The following GADL1 variants were observed in gnomAD, a reference collection of about 807,000 sequenced individuals.
GADL1 encodes GAD like acidic amino acid decarboxylase 1, also known as acidic amino acid decarboxylase GADL1.
GADL1 carries 71 observed loss-of-function variants against 69.5 expected under a neutral mutation model. The observed-to-expected ratio is 1.02, with a 90% CI of 0.84 to 1.25. The LOEUF is 1.25. GADL1 is among the 50% of genes most tolerant of loss of function. The pLI, the probability that GADL1 is intolerant of heterozygous loss-of-function variation, is 0.00. For synonymous variants in GADL1, 254 were observed against 214.4 expected (o/e 1.18, Z -1.62); for missense variants, 737 against 631.8 (o/e 1.17, Z -1.79).
chr3:30,855,213 G>A (rs1698209490), intron 3 of GADL1, among the ~76,000 whole-genome samples: 1 of 152,082 alleles, frequency 6.6e-6, no homozygotes, highest in Non-Finnish European at 1.5e-5. Flanking sequence ...ACACATCGTA[G>A]AGCCCTTTCT....
intron 14 of GADL1, among the ~76,000 whole-genome samples, chr3:30,761,921 A>G (rs576342309): frequency 9.8e-5 from 15 of 152,296 alleles, no homozygotes; most frequent in African/African-American, 3.4e-4. Flanking sequence ...GCATGTGTAT[A>G]TGTATTATAT....
intron 14 of GADL1, among the ~76,000 whole-genome samples, chr3:30,772,254 C>T (rs1696434305): frequency 1.3e-5 from 2 of 152,114 alleles, no homozygotes; most frequent in South Asian, 4.1e-4. Context: ...CACAAATCTG[C>T]AGGTCAGCAA....
chr3:30,793,140 A>AG (rs1368042796), intron 12 of GADL1, among the ~76,000 whole-genome samples: 1 of 152,164 alleles, frequency 6.6e-6, no homozygotes, highest in Non-Finnish European at 1.5e-5. Flanking sequence ...CTATTTTTTG[A>AG]GGGATGATCT....
intron 11 of GADL1, among the ~76,000 whole-genome samples, chr3:30,829,148 C>T (rs1697744112): frequency 2.1e-5 from 3 of 146,102 alleles, no homozygotes; most frequent in South Asian, 2.1e-4. Context: ...ACGCAAATCC[C>T]GCATTTACCT....
chr3:30,867,984 G>T (rs977485219), intron 1 of GADL1, among the ~76,000 whole-genome samples: 18 of 152,002 alleles, frequency 1.2e-4, no homozygotes, highest in African/African-American at 4.8e-5. Flanking sequence ...TTGAACATAT[G>T]CACTAATAAA....
Position 30,726,448 on chromosome 3 carries a change from A to G in GADL1, c.*1794T>C, listed in dbSNP as rs1695367689. 6.6e-6 allele frequency: 1 copy of G among 152,088 alleles called. No homozygotes were observed. The highest frequency in any genetic ancestry group is 1.5e-5 in the Non-Finnish European group (1 of 67,982). 9.4% of individuals were successfully genotyped at this position (152,088 alleles called of 1,614,324 possible). ...TCAATTTTAGAAATATTTTATGTAG[A>G]CATTAAAACAAAAAGGCAACAAGAA... On this transcript the variant is annotated 3_prime_UTR_variant, in exon 15 of 15. Transcript: ENST00000282538.
rs59987855 is a variant in GADL1, at chr3:30,891,032, T to TCTTCCTTCCTTCCTTCCTTC, written c.37+3526_37+3545dup. 3.5e-3 allele frequency among the ~76,000 whole-genome samples: 521 copies of TCTTCCTTCCTTCCTTCCTTC among 150,310 alleles called. 1 individual carries two copies. Among genetic ancestry groups the TCTTCCTTCCTTCCTTCCTTC allele is most frequent in the Middle Eastern group, 0.027 (8 of 294 alleles). ...GTCGGCTAGAGTATTTACTTTGCAT[T>TCTTCCTTCCTTCCTTCCTTC]CTTCCTTCCTTCCTTCCTTCCTTCC... On this transcript the variant is annotated intron_variant, in intron 1 of 14. Transcript: ENST00000282538.
chr3:30,869,819 T>A (rs747569056), intron 1 of GADL1, among the ~76,000 whole-genome samples: 4 of 151,760 alleles, frequency 2.6e-5, no homozygotes, highest in Non-Finnish European at 5.9e-5. Context: ...TATAGAAAAC[T>A]TCAAGACCAA....
intron 12 of GADL1, among the ~76,000 whole-genome samples, chr3:30,794,088 C>T (rs1469873645): frequency 1.3e-5 from 2 of 152,176 alleles, no homozygotes; most frequent in Non-Finnish European, 2.9e-5. Context: ...TCTGTACCTC[C>T]CATCACCTAG....
At position 30,894,564 on chromosome 3, in the gene GADL1, C is replaced by T; in HGVS notation, c.37+14G>A. The T allele has an allele frequency of 6.5e-7, 1 of 1,548,094 alleles. No individual in the cohort carries two copies. The highest frequency in any genetic ancestry group is 8.7e-7 in the Non-Finnish European group (1 of 1,144,860). On this transcript the variant is annotated intron_variant, in intron 1 of 14. Transcript: ENST00000282538. ...AGGTTAAGGACAAAAACCGCAGCCG[C>T]GCTGAGTCGTTACCGTCCACAGGAC...
intron 14 of GADL1, among the ~76,000 whole-genome samples, chr3:30,769,014 C>T (rs1696353144): frequency 6.6e-6 from 1 of 152,132 alleles, no homozygotes; most frequent in Admixed American, 6.6e-5. Context: ...CAACAAACTG[C>T]ATCAAGTCCA....
intron 14 of GADL1, among the ~76,000 whole-genome samples, chr3:30,761,448 T>C (rs1224882301): frequency 6.6e-6 from 1 of 150,586 alleles, no homozygotes; most frequent in African/African-American, 2.4e-5. Flanking sequence ...ATTTTCGCAG[T>C]CAATTAACTA....
intron 14 of GADL1, among the ~76,000 whole-genome samples, chr3:30,762,167 G>T (rs1172400553): frequency 6.6e-6 from 1 of 152,152 alleles, no homozygotes; most frequent in East Asian, 1.9e-4. Context: ...GGAGTCAATG[G>T]CTGTTTATGC....
chr3:30,751,661 A>G (rs1035049228), intron 14 of GADL1, among the ~76,000 whole-genome samples: 1 of 152,140 alleles, frequency 6.6e-6, no homozygotes, highest in Non-Finnish European at 1.5e-5. Flanking sequence ...TTATCTCCCT[A>G]TAAGCCCACC....
intron 12 of GADL1, among the ~76,000 whole-genome samples, chr3:30,791,763 C>T (rs977712026): frequency 2.6e-5 from 4 of 152,060 alleles, no homozygotes; most frequent in African/African-American, 9.7e-5. Context: ...CTCCCATAAT[C>T]CCCATGGGTC....
rs1206530643 is a variant in GADL1 at position 30,726,355 on chromosome 3, G to A, written c.*1887C>T. ...CAGTAAAGAGGAGATGACAGGAAAA[G>A]AAAAGTCAACAACACTAAGTATAGT... On this transcript the variant is annotated 3_prime_UTR_variant, in exon 15 of 15. Coordinates refer to ENST00000282538, the MANE Select transcript of GADL1 (RefSeq NM_207359.3). 6.6e-6 allele frequency: 1 copy of A among 152,108 alleles called. No individual in the cohort carries two copies. Among genetic ancestry groups the A allele is most frequent in the Non-Finnish European group, 1.5e-5 (1 of 68,008 alleles). The allele number at this position is 152,108 out of a possible 1,614,324, so 9.4% of individuals were successfully genotyped here. A position where few individuals can be genotyped will look rare whatever the true frequency, so the allele number is the denominator to read the frequency against.
chr3:30,861,936 T>TAG (rs3043724), intron 1 of GADL1, among the ~76,000 whole-genome samples, 171 bp from the exon 2 acceptor site: 31,234 of 151,774 alleles, frequency 0.21, 3,713 homozygotes, highest in East Asian at 0.51. Flanking sequence ...CATGGTATGA[T>TAG]AGTTAAGGAA....
At chr3:30,822,225 G>T (rs1452802643) in intron 11 of GADL1, among the ~76,000 whole-genome samples, 1 of 152,030 alleles carries the variant, frequency 6.6e-6, no homozygotes, top group Admixed American at 6.6e-5. Flanking sequence ...GACAGGTTTA[G>T]CTTCCCATGT....
chr3:30,849,889 T>C (rs2125531623), intron 6 of GADL1, 107 bp downstream of exon 6: 1 of 665,528 alleles, frequency 1.5e-6, no homozygotes, highest in South Asian at 1.8e-5. Flanking sequence ...CTGCAGCATA[T>C]TAGTCACATG....
Sources: allele counts gnomAD v4.1 joint callset (sites outside exome capture counted in the v4.1 genomes callset), GRCh38; gene constraint gnomAD v4.1.1; transcripts MANE v1.5; gene names NCBI Gene and HGNC (gene_info 2026-07-23, HGNC 2026-07-21).